The following BRMS1L variants were observed in gnomAD, a reference collection of about 807,000 sequenced individuals.
BRMS1L encodes the protein BRMS1 like transcriptional repressor.
Under a neutral mutation model 50.3 loss-of-function variants are expected in BRMS1L, and 23 were observed. The observed-to-expected ratio is 0.46, with a 90% confidence interval of 0.33 to 0.65. BRMS1L has a LOEUF of 0.65. BRMS1L is among the 30% of genes least tolerant of loss of function. BRMS1L has a pLI of 0.02. For synonymous variants in BRMS1L, 114 were observed against 126.9 expected, an observed-to-expected ratio of 0.90 and a Z score of 0.69; for missense variants, 286 against 386.1, an observed-to-expected ratio of 0.74 and a Z score of 2.17.
chr14:35,857,281 ATG>A (rs553372278), intron 4 of BRMS1L, among the ~76,000 whole-genome samples: 112 of 142,988 alleles, frequency 7.8e-4, no homozygotes, highest in Middle Eastern at 7.4e-3. Context: ...ATACATATAT[ATG>A]TGTGTGTGTG....
At chr14:35,848,173 A>G (rs2078161774) in intron 4 of BRMS1L, among the ~76,000 whole-genome samples, 1 of 152,204 alleles carries the variant, frequency 6.6e-6, no homozygotes, top group Non-Finnish European at 1.5e-5. Flanking sequence ...TTAAAATTGT[A>G]TATACTTAAG....
At position 35,834,861 on chromosome 14, in the gene BRMS1L, T is replaced by G. The variant is rs1407907889; in HGVS notation, c.379T>G (p.Cys127Gly). The change falls in exon 4 of 10, where the codon TGC (cysteine) becomes GGC (glycine). Residue 127 changes from cysteine to glycine, a missense_variant. This residue lies in a region of BRMS1L where 160 missense variants were observed against 240.6 expected (regional missense o/e 0.66). Transcript: ENST00000216807. ...GGTTGCAGGAATCTATAGAGAGCTC[T>G]GCTTAGAATCTGTAAAGAACAAATA... Reference protein sequence around the residue: ...TKVAGIYRELCLESVKNKYEC... With the variant: ...TKVAGIYRELGLESVKNKYEC... 6.3e-7 allele frequency: 1 copy of G among 1,582,222 alleles called. No individual in the cohort carries two copies. The highest frequency in any genetic ancestry group is 8.6e-7 in the Non-Finnish European group (1 of 1,164,942).
chr14:35,832,501 G>A (rs1162696459), intron 2 of BRMS1L, among the ~76,000 whole-genome samples: 2 of 130,128 alleles, frequency 1.5e-5, no homozygotes, highest in South Asian at 2.4e-4. Context: ...GCGAGACTCC[G>A]TCTCAAAAAA....
intron 4 of BRMS1L, 29 bp downstream of exon 4, chr14:35,834,952 T>A: frequency 6.4e-7 from 1 of 1,551,848 alleles, no homozygotes; most frequent in Non-Finnish European, 8.8e-7. Context: ...ACTTTTAAGC[T>A]AATTTCATCT....
chr14:35,845,470 GTT>G (rs2078121893), intron 4 of BRMS1L, among the ~76,000 whole-genome samples: 1 of 152,078 alleles, frequency 6.6e-6, no homozygotes, highest in Admixed American at 6.5e-5. Flanking sequence ...ATTAGTCGTG[GTT>G]TTATTCTCAT....
rs144963432 is a variant in BRMS1L at position 35,870,405 on chromosome 14, G to C, written c.900G>C (p.Arg300Ser). Residue 300 changes from arginine (R) to serine (S), a missense_variant, in exon 10 of 10, where the codon AGG becomes AGC. Transcript: ENST00000216807. ...ACCATGATGAAGTTTGGTTTAAGAG[G>C]CCTGATGGAAGCAAATCTAAGCTTT... is the stretch of plus-strand genomic sequence containing the variant. ...TINHDEVWFK[R>S]PDGSKSKLYI... 47 of 1,609,564 alleles carry C rather than the reference G, an allele frequency of 2.9e-5. No homozygotes were observed. The highest frequency in any genetic ancestry group is 4.0e-5 in the Non-Finnish European group (47 of 1,177,956).
chr14:35,827,729 G>A (rs2077863228), intron 1 of BRMS1L, among the ~76,000 whole-genome samples: 6 of 152,330 alleles, frequency 3.9e-5, no homozygotes, highest in Admixed American at 3.9e-4. Flanking sequence ...TGATTAAATT[G>A]CCAAATGAAT....
intron 3 of BRMS1L, among the ~76,000 whole-genome samples, chr14:35,833,493 A>G (rs1232833738): frequency 6.6e-6 from 1 of 152,054 alleles, no homozygotes; most frequent in Non-Finnish European, 1.5e-5. Flanking sequence ...ATTTTTTTTA[A>G]TTTATAAAAA....
intron 4 of BRMS1L, among the ~76,000 whole-genome samples, chr14:35,841,425 A>G (rs2078061706): frequency 6.6e-6 from 1 of 151,646 alleles, no homozygotes; most frequent in African/African-American, 2.4e-5. Flanking sequence ...CAGCCTCCCG[A>G]GTAGCTGGGA....
In BRMS1L at chr14:35,826,655, T is replaced by A. The variant is rs1465135193; in HGVS notation, c.139T>A (p.Ser47Thr). 1 of 1,611,724 alleles carries A rather than the reference T, an allele frequency of 6.2e-7. No homozygotes were observed. Among genetic ancestry groups the A allele is most frequent in the Non-Finnish European group, 8.5e-7 (1 of 1,179,462 alleles). Residue 47 changes from serine to threonine, a missense_variant, in exon 1 of 10, where the codon TCA becomes ACA. This residue lies in a region of BRMS1L where 66 missense variants were observed against 67.8 expected (regional missense o/e 0.97). Transcript: ENST00000216807. ...SSSVSEDGDS[S>T]EMDDEDCERR... ...GTCGGTCTCCGAGGATGGAGATAGC[T>A]CAGGTGCGCGACCCACTGCTGGGAC...
Position 35,865,825 on chromosome 14 carries a change from T to C in BRMS1L, c.727+64T>C, listed in dbSNP as rs1163656132. The C allele has an allele frequency of 4.3e-6, 6 of 1,384,050 alleles. No homozygotes were observed. The East Asian group carries it at 1.2e-4, about 27-fold the overall frequency. The allele number at this position is 1,384,050 out of a possible 1,614,324, so 85.7% of individuals were successfully genotyped here. A position where few individuals can be genotyped will look rare whatever the true frequency, so the allele number is the denominator to read the frequency against. On this transcript the variant is annotated intron_variant, in intron 8 of 9. Transcript: ENST00000216807. ...GAGACTTGTTGAATCAGGGTTGTTA[T>C]CTACGTACTAAAGAACTCTTGAATC...
At chr14:35,863,010 C>T (rs866155799) in intron 5 of BRMS1L, among the ~76,000 whole-genome samples, 42 of 151,924 alleles carry the variant, frequency 2.8e-4, no homozygotes, top group African/African-American at 9.4e-4. Context: ...GAGACTGAGG[C>T]GGAAGCATCC....
intron 1 of BRMS1L, among the ~76,000 whole-genome samples, chr14:35,830,980 AC>A (rs2077912940): frequency 7.0e-6 from 1 of 142,766 alleles, no homozygotes; most frequent in African/African-American, 2.6e-5. Flanking sequence ...TCACTCTGTC[AC>A]CCAGGGTGGA....
rs1347629730 is a variant in BRMS1L, at chr14:35,871,880, A to T, written c.*1403A>T. The T allele has an allele frequency of 6.5e-6, 1 of 152,680 alleles. No homozygotes were observed. The highest frequency in any genetic ancestry group is 6.5e-5 in the Admixed American group (1 of 15,286). 9.5% of individuals were successfully genotyped at this position (152,680 alleles called of 1,614,324 possible). Reference sequence around the variant, plus strand: ...AACCCAATAGTATTTGACAGTACTTATGTATACAATGTTTGATAAGCATTT... The same window carrying T: ...AACCCAATAGTATTTGACAGTACTTTTGTATACAATGTTTGATAAGCATTT... On this transcript the variant is annotated 3_prime_UTR_variant, in exon 10 of 10. Coordinates refer to ENST00000216807, the MANE Select transcript of BRMS1L (RefSeq NM_032352.4).
chr14:35,863,634 G>A (rs2078381715), intron 5 of BRMS1L, among the ~76,000 whole-genome samples: 2 of 152,174 alleles, frequency 1.3e-5, no homozygotes, highest in South Asian at 4.1e-4. Context: ...TGACAATATG[G>A]TAATCAGTTC....
intron 4 of BRMS1L, among the ~76,000 whole-genome samples, chr14:35,847,888 C>T (rs1393808183): frequency 6.6e-6 from 1 of 152,186 alleles, no homozygotes; most frequent in East Asian, 1.9e-4. Context: ...GGATTTCCTT[C>T]TATTCTAAGG....
intron 4 of BRMS1L, among the ~76,000 whole-genome samples, chr14:35,841,437 T>C (rs913164096): frequency 5.3e-5 from 8 of 152,118 alleles, no homozygotes; most frequent in Non-Finnish European, 4.4e-5. Context: ...TAGCTGGGAC[T>C]ACAGGTGCCT....
chr14:35,837,442 A>T (rs1482570881), intron 4 of BRMS1L, among the ~76,000 whole-genome samples: 1 of 151,836 alleles, frequency 6.6e-6, no homozygotes, highest in African/African-American at 2.4e-5. Context: ...CATATGTTTC[A>T]TTTGTTCTGT....
intron 1 of BRMS1L, among the ~76,000 whole-genome samples, chr14:35,828,578 A>G (rs1433891582): frequency 6.6e-6 from 1 of 150,410 alleles, no homozygotes; most frequent in African/African-American, 2.5e-5. Context: ...GGTACAAGCA[A>G]TTCTCCTGCC....
Sources: gnomAD v4.1 joint callset for allele counts (sites outside exome capture counted in the v4.1 genomes callset) on GRCh38, gnomAD v4.1.1 for gene constraint, gnomAD v4.1.1 regional missense constraint, MANE v1.5 for transcripts, NCBI Gene and HGNC (gene_info 2026-07-23, HGNC 2026-07-21) for gene names.